Variants in BTBD9 observed in about 807,000 individuals in gnomAD.
BTBD9 encodes the protein BTB domain containing 9.
BTBD9 carries 49 observed loss-of-function variants against 64.3 expected under a neutral mutation model. The ratio of observed to expected loss-of-function variants is 0.76; its 90% confidence interval spans 0.61 to 0.97. The LOEUF (loss-of-function observed/expected upper bound fraction) is 0.97, where lower values mean the gene tolerates loss of function less well. BTBD9 is among the 50% of genes least tolerant of loss of function. BTBD9 has a pLI of 0.00. For synonymous variants in BTBD9, 260 were observed against 274.7 expected (o/e 0.95, Z 0.53); for missense variants, 598 against 762.1 (o/e 0.78, Z 2.53).
rs192430183 is a variant in BTBD9 at position 38,312,901 on chromosome 6, T to C, written c.1265-24440A>G. ...TTTGGCTATTCCAGGTCTTTTGTGG[T>C]TCCATATAAATTTTAGGATAGTCTT... is the stretch of plus-strand genomic sequence containing the variant. On this transcript the variant is annotated intron_variant, in intron 7 of 10. Coordinates refer to ENST00000481247, the MANE Select transcript of BTBD9 (RefSeq NM_001099272.2). 2.1e-3 allele frequency among the ~76,000 whole-genome samples: 327 copies of C among 152,336 alleles called. 1 individual carries two copies. Among genetic ancestry groups the C allele is most frequent in the African/African-American group, 7.5e-3 (312 of 41,586 alleles).
rs74657445 is a variant in BTBD9, at chr6:38,270,982, C to T, written c.1455-14466G>A. On this transcript the variant is annotated intron_variant, in intron 8 of 10. Coordinates refer to ENST00000481247, the MANE Select transcript of BTBD9 (RefSeq NM_001099272.2). ...AAGGAGGGAGATGGATTTTAATGTACGTGATTTCTGATTCCTTTTTCAAGT... is the reference window on the plus strand; with the variant it reads ...AAGGAGGGAGATGGATTTTAATGTATGTGATTTCTGATTCCTTTTTCAAGT... 1.9e-3 allele frequency among the ~76,000 whole-genome samples: 289 copies of T among 152,242 alleles called. 2 individuals are homozygous for T. The highest frequency in any genetic ancestry group is 6.6e-3 in the African/African-American group (274 of 41,544).
At chr6:38,523,579 G>C (rs1404712696) in intron 6 of BTBD9, among the ~76,000 whole-genome samples, 1 of 152,066 alleles carries the variant, frequency 6.6e-6, no homozygotes, top group African/African-American at 2.4e-5. Flanking sequence ...TCCCTGTCTT[G>C]CATGAACAGG....
rs977498226 is a variant in BTBD9, at chr6:38,223,986, G to T, written c.1563-31389C>A. On this transcript the variant is annotated intron_variant, in intron 9 of 10. Transcript: ENST00000481247. The stretch of plus-strand genomic sequence containing the variant: ...CCAGAATTTTTGGAGGCCAAAGCAG[G>T]CTGACTGCTTGAGGCCAGGAGTTCA... Among the ~76,000 whole-genome samples the T allele has an allele frequency of 9.2e-5, 14 of 152,102 alleles. No individual in the cohort carries two copies. The South Asian group carries it at 2.9e-3, about 32-fold the overall frequency.
At chr6:38,267,767 C>T (rs1001640402) in intron 8 of BTBD9, among the ~76,000 whole-genome samples, 14 of 152,048 alleles carry the variant, frequency 9.2e-5, no homozygotes, top group African/African-American at 1.4e-4. Flanking sequence ...GGTGAAACCC[C>T]GTCTCTACTA....
At chr6:38,322,642 G>A (rs1410670452) in intron 7 of BTBD9, among the ~76,000 whole-genome samples, 16 of 152,154 alleles carry the variant, frequency 1.1e-4, no homozygotes, top group Admixed American at 6.5e-5. Flanking sequence ...GCCATTTACC[G>A]CTCCATTTTG....
chr6:38,568,321 T>C (rs1257411137), intron 6 of BTBD9, among the ~76,000 whole-genome samples: 1 of 152,248 alleles, frequency 6.6e-6, no homozygotes, highest in Non-Finnish European at 1.5e-5. Flanking sequence ...CAAGATCTAA[T>C]TGTCCCTCCA....
intron 7 of BTBD9, among the ~76,000 whole-genome samples, chr6:38,324,421 T>G (rs975315771): frequency 7.9e-5 from 12 of 152,206 alleles, no homozygotes; most frequent in Admixed American, 7.9e-4. Flanking sequence ...ATCTATCATT[T>G]CAGTGGATTA....
intron 6 of BTBD9, among the ~76,000 whole-genome samples, chr6:38,548,125 T>A (rs953752722): frequency 3.9e-5 from 6 of 152,256 alleles, no homozygotes; most frequent in African/African-American, 1.4e-4. Flanking sequence ...TTCAAAATTA[T>A]GTTTCTTTGC....
At chr6:38,225,522 T>C (rs1055170461) in intron 9 of BTBD9, among the ~76,000 whole-genome samples, 4 of 152,180 alleles carry the variant, frequency 2.6e-5, no homozygotes, top group Admixed American at 2.0e-4. Context: ...TAAAAAACTG[T>C]TAATATGTGC....
At chr6:38,378,425 G>A (rs1467250356) in intron 6 of BTBD9, among the ~76,000 whole-genome samples, 1 of 151,362 alleles carries the variant, frequency 6.6e-6, no homozygotes, top group Non-Finnish European at 1.5e-5. Context: ...CGTATTTTTA[G>A]TAGAGACGGG....
intron 6 of BTBD9, among the ~76,000 whole-genome samples, chr6:38,554,199 T>C (rs1774925916): frequency 2.0e-5 from 3 of 152,204 alleles, no homozygotes; most frequent in African/African-American, 7.2e-5. Flanking sequence ...TCACACATCA[T>C]ACTTTTGAGT....
chr6:38,422,595 ATGTAGAATAGGGATCCC>A (rs1251729746), intron 6 of BTBD9, among the ~76,000 whole-genome samples: 2 of 152,182 alleles, frequency 1.3e-5, no homozygotes, highest in Admixed American at 6.5e-5. Flanking sequence ...TGAAATGAAG[ATGTAGAATAGGGATCCC>A]TGTAGAACAG....
chr6:38,407,597 G>A (rs752861773), intron 6 of BTBD9, among the ~76,000 whole-genome samples: 3 of 152,120 alleles, frequency 2.0e-5, no homozygotes, highest in African/African-American at 7.2e-5. Flanking sequence ...TTTTCCCAAT[G>A]TGCTAGACTT....
In BTBD9 at chr6:38,335,574, T is replaced by C. The variant is rs183301991; in HGVS notation, c.1264+9410A>G. 4.7e-3 allele frequency among the ~76,000 whole-genome samples: 706 copies of C among 151,364 alleles called. 2 individuals carry two copies. Among genetic ancestry groups the C allele is most frequent in the Non-Finnish European group, 8.0e-3 (545 of 67,758 alleles). ...AGCCTCCAGGTAGTTCTTTTTTTTT[T>C]AGTTTTTTTGAGAGGGAGTCTTGCT... On this transcript the variant is annotated intron_variant, in intron 7 of 10. Coordinates refer to ENST00000481247, the MANE Select transcript of BTBD9 (RefSeq NM_001099272.2).
intron 4 of BTBD9, among the ~76,000 whole-genome samples, chr6:38,585,661 G>A (rs747078371): frequency 1.3e-5 from 2 of 152,122 alleles, no homozygotes; most frequent in Non-Finnish European, 2.9e-5. Flanking sequence ...CTGTCTTTAT[G>A]TGATAGATGA....
intron 2 of BTBD9, among the ~76,000 whole-genome samples, chr6:38,595,021 T>C (rs1438235712): frequency 6.6e-6 from 1 of 152,210 alleles, no homozygotes; most frequent in Non-Finnish European, 1.5e-5. Flanking sequence ...AAAACTGTGA[T>C]ATACGCATTC....
chr6:38,359,686 A>G (rs1250448245), intron 6 of BTBD9, among the ~76,000 whole-genome samples: 1 of 152,194 alleles, frequency 6.6e-6, no homozygotes, highest in African/African-American at 2.4e-5. Flanking sequence ...TTCACTGCTC[A>G]TTAGCAGGGA....
At chr6:38,587,814 G>A in intron 4 of BTBD9, 1 of 715,818 alleles carries the variant, frequency 1.4e-6, no homozygotes, top group Non-Finnish European at 2.7e-6. Context: ...CTCAGGTTAT[G>A]GCAGCAAGTA....
chr6:38,195,649 A>G (rs1161841329), intron 9 of BTBD9, among the ~76,000 whole-genome samples: 1 of 152,186 alleles, frequency 6.6e-6, no homozygotes, highest in Non-Finnish European at 1.5e-5. Context: ...ACAGAAACGC[A>G]TCTAGAATGA....
Sources: allele counts gnomAD v4.1 joint callset (sites outside exome capture counted in the v4.1 genomes callset), GRCh38; gene constraint gnomAD v4.1.1; transcripts MANE v1.5; gene names NCBI Gene and HGNC (gene_info 2026-07-23, HGNC 2026-07-21).